Variants in CMIP observed in about 807,000 individuals in gnomAD.
CMIP encodes the protein c-Maf inducing protein.
Under a neutral mutation model 97.3 loss-of-function variants are expected in CMIP, and 13 were observed. The observed-to-expected ratio is 0.13, with a 90% confidence interval of 0.09 to 0.21. CMIP has a LOEUF of 0.21. Ranked by LOEUF, CMIP falls within the 10% of genes least tolerant of loss-of-function variation. The pLI, the probability that CMIP is intolerant of heterozygous loss-of-function variation, is 1.00. For missense variants in CMIP, 847 were observed against 1,024.9 expected (o/e 0.83, Z 2.37); for synonymous variants, 538 against 436.3 (o/e 1.23, Z -2.91).
chr16:81,668,531 A>C (rs1329115831), intron 7 of CMIP, among the ~76,000 whole-genome samples: 3 of 152,140 alleles, frequency 2.0e-5, no homozygotes, highest in African/African-American at 7.2e-5. Context: ...GGCAGCCACC[A>C]CATATGGCCC....
chr16:81,694,995 C>G (rs1470953009), intron 13 of CMIP, among the ~76,000 whole-genome samples: 1 of 152,222 alleles, frequency 6.6e-6, no homozygotes, highest in Non-Finnish European at 1.5e-5. Context: ...CTCCTGGGAA[C>G]TGAGCCTTAA....
At chr16:81,543,295 C>G (rs1375323502) in intron 1 of CMIP, among the ~76,000 whole-genome samples, 1 of 152,214 alleles carries the variant, frequency 6.6e-6, no homozygotes, top group African/African-American at 2.4e-5. Context: ...CCTCCCTTCC[C>G]TAATCATGTC....
At chr16:81,551,018 G>GT (rs2090644841) in intron 1 of CMIP, among the ~76,000 whole-genome samples, 1 of 114,410 alleles carries the variant, frequency 8.7e-6, no homozygotes, top group Admixed American at 9.0e-5. Flanking sequence ...ACGCACCCCA[G>GT]TTCATCACAC....
intron 16 of CMIP, 78 bp from the exon 17 acceptor site, chr16:81,702,544 T>C: frequency 1.5e-6 from 2 of 1,372,720 alleles, no homozygotes; most frequent in South Asian, 2.4e-5. Context: ...GCTCCATGAG[T>C]GTTGTTAACA....
At chr16:81,457,947 C>A (rs931141114) in intron 1 of CMIP, among the ~76,000 whole-genome samples, 1 of 152,180 alleles carries the variant, frequency 6.6e-6, no homozygotes, top group Non-Finnish European at 1.5e-5. Context: ...TCCCGACTGA[C>A]CTCCCCCTCG....
intron 1 of CMIP, among the ~76,000 whole-genome samples, chr16:81,601,800 C>T (rs567649746): frequency 1.8e-4 from 27 of 152,300 alleles, no homozygotes; most frequent in African/African-American, 6.3e-4. Flanking sequence ...CTCTGGGCAC[C>T]GTCACCTTGC....
chr16:81,671,490 G>A (rs1027000164), intron 8 of CMIP, among the ~76,000 whole-genome samples: 3 of 152,188 alleles, frequency 2.0e-5, no homozygotes, highest in African/African-American at 4.8e-5. Context: ...TCCAAAGCAG[G>A]ATATGTTTGA....
At chr16:81,538,955 A>G (rs1328717456) in intron 1 of CMIP, among the ~76,000 whole-genome samples, 2 of 152,200 alleles carry the variant, frequency 1.3e-5, no homozygotes, top group African/African-American at 4.8e-5. Context: ...ACTAAGGTTG[A>G]TATAATCAGG....
At chr16:81,642,067 A>C (rs912614607) in intron 3 of CMIP, among the ~76,000 whole-genome samples, 1 of 152,272 alleles carries the variant, frequency 6.6e-6, no homozygotes, top group Non-Finnish European at 1.5e-5. Context: ...AGTGCTTCGC[A>C]CAGGACCTGG....
chr16:81,687,699 T>A (rs1905564395), intron 10 of CMIP, among the ~76,000 whole-genome samples: 1 of 152,182 alleles, frequency 6.6e-6, no homozygotes, highest in Non-Finnish European at 1.5e-5. Flanking sequence ...CTCTGCTGTG[T>A]GATACAAGCC....
At chr16:81,620,554 A>G (rs1410408946) in intron 2 of CMIP, 5 of 292,356 alleles carry the variant, frequency 1.7e-5, no homozygotes, top group Non-Finnish European at 3.3e-5. Context: ...AGTTCATCCC[A>G]TTCCCTCCCA....
chr16:81,501,608 CTTTTTTTTTT>C (rs1046564135), intron 1 of CMIP, among the ~76,000 whole-genome samples: 12 of 129,326 alleles, frequency 9.3e-5, no homozygotes, highest in Non-Finnish European at 1.8e-4. Context: ...GACTCTGGTT[CTTTTTTTTTT>C]TTTTTTTTTC....
intron 14 of CMIP, among the ~76,000 whole-genome samples, chr16:81,699,451 C>T (rs895283477): frequency 2.6e-5 from 4 of 152,192 alleles, no homozygotes; most frequent in African/African-American, 7.2e-5. Flanking sequence ...ACGTGACTTT[C>T]GCGACTGGCT....
intron 1 of CMIP, among the ~76,000 whole-genome samples, chr16:81,582,328 C>T (rs1365481190): frequency 1.3e-5 from 2 of 152,112 alleles, no homozygotes; most frequent in Non-Finnish European, 2.9e-5. Context: ...GCCAACTTGC[C>T]AGGGTGTCCC....
chr16:81,470,165 G>T (rs1277047617), intron 1 of CMIP, among the ~76,000 whole-genome samples: 1 of 152,264 alleles, frequency 6.6e-6, no homozygotes, highest in Admixed American at 6.5e-5. Context: ...AATTTCAAAA[G>T]AAGATGTTGA....
chr16:81,665,788 C>G (rs1597216696), intron 7 of CMIP: 1 of 152,198 alleles, frequency 6.6e-6, no homozygotes, highest in African/African-American at 2.4e-5. Flanking sequence ...CCCTTCCATG[C>G]TCATGGCAGA....
chr16:81,580,791 T>A (rs140444033), intron 1 of CMIP, among the ~76,000 whole-genome samples: 1 of 152,124 alleles, frequency 6.6e-6, no homozygotes, highest in Non-Finnish European at 1.5e-5. Context: ...AGCGAGACTC[T>A]GTCTCAAAAA....
chr16:81,468,567 TG>T (rs1907343326), intron 1 of CMIP, among the ~76,000 whole-genome samples: 1 of 152,274 alleles, frequency 6.6e-6, no homozygotes, highest in Non-Finnish European at 1.5e-5. Flanking sequence ...TTAGGCATCG[TG>T]CCTGAAGCAT....
intron 7 of CMIP, among the ~76,000 whole-genome samples, chr16:81,668,614 T>G (rs2092637345): frequency 6.6e-6 from 1 of 152,116 alleles, no homozygotes; most frequent in African/African-American, 2.4e-5. Context: ...GACACTTTAG[T>G]TCCGGGGGCC....
Sources: allele counts gnomAD v4.1 joint callset (sites outside exome capture counted in the v4.1 genomes callset), GRCh38; gene constraint gnomAD v4.1.1; transcripts MANE v1.5; gene names NCBI Gene and HGNC (gene_info 2026-07-23, HGNC 2026-07-21).